The following PLAGL2 variants were observed in gnomAD, a reference collection of about 807,000 sequenced individuals.
PLAGL2 encodes PLAG1 like zinc finger 2, also known as zinc finger protein PLAGL2.
A neutral mutation model predicts 29.0 loss-of-function variants in PLAGL2; 7 were observed. The observed-to-expected ratio is 0.24, with a 90% CI of 0.14 to 0.45. PLAGL2 has a LOEUF of 0.45. PLAGL2 is among the 20% of genes least tolerant of loss of function. The probability of loss-of-function intolerance (pLI) is 0.99; values close to 1 mark genes in which losing one functional copy is unlikely to be tolerated. For synonymous variants in PLAGL2, 234 were observed against 266.0 expected (o/e 0.88, Z 1.17); for missense variants, 454 against 648.2 (o/e 0.70, Z 3.25).
At chr20:32,203,986 T>G (rs2047273050) in intron 1 of PLAGL2, among the ~76,000 whole-genome samples, 1 of 152,234 alleles carries the variant, frequency 6.6e-6, no homozygotes, top group Admixed American at 6.5e-5. Context: ...CATATGTGCC[T>G]GCTTCACTAT....
rs537745819 is a variant in PLAGL2, at chr20:32,194,093, C to G, written c.*2359G>C. 1 of 152,422 alleles carries G rather than the reference C, an allele frequency of 6.6e-6. No individual in the cohort carries two copies. The highest frequency in any genetic ancestry group is 2.4e-5 in the African/African-American group (1 of 41,406). 9.4% of individuals were successfully genotyped at this position (152,422 alleles called of 1,614,324 possible). ...GCATCACTTACGGGGAGAGAGAATT[C>G]GAGGGAGGGACAGGAAAGGGCAGGC... On this transcript the variant is annotated 3_prime_UTR_variant, in exon 3 of 3. Coordinates refer to ENST00000246229, the MANE Select transcript of PLAGL2 (RefSeq NM_002657.3).
At position 32,195,618 on chromosome 20, in the gene PLAGL2, G is replaced by A. The variant is rs1342795228; in HGVS notation, c.*834C>T. The A allele has an allele frequency of 6.5e-6, 1 of 152,712 alleles. No homozygotes were observed. The highest frequency in any genetic ancestry group is 2.4e-5 in the African/African-American group (1 of 41,474). The allele number at this position is 152,712 out of a possible 1,614,324, so 9.5% of individuals were successfully genotyped here. Reference sequence around the variant, plus strand: ...GCAGTCATGGAAGATGGCAGAGACTGAAGCAGTCCAAAGTCAGTTTATTTC... The same window carrying A: ...GCAGTCATGGAAGATGGCAGAGACTAAAGCAGTCCAAAGTCAGTTTATTTC... On this transcript the variant is annotated 3_prime_UTR_variant, in exon 3 of 3. Transcript: ENST00000246229.
chr20:32,201,788 C>G (rs1443645968), intron 2 of PLAGL2, 131 bp downstream of exon 2: 2 of 696,382 alleles, frequency 2.9e-6, no homozygotes, highest in Non-Finnish European at 4.8e-6. Flanking sequence ...GTTTGGCATT[C>G]AGGGTATACT....
In PLAGL2 at chr20:32,197,183, C is replaced by A; in HGVS notation, c.760G>T (p.Val254Leu). 1 of 1,614,220 alleles carries A rather than the reference C, an allele frequency of 6.2e-7. No individual in the cohort carries two copies. The highest frequency in any genetic ancestry group is 1.1e-5 in the South Asian group (1 of 91,088). The change falls in exon 3 of 3, where the codon GTG (valine) becomes TTG (leucine). Residue 254 changes from valine to leucine, a missense_variant. Around this residue, in one of 4 missense-constraint regions of PLAGL2, gnomAD observed 247 missense variants for 350.3 expected, o/e 0.71. Coordinates refer to ENST00000246229, the MANE Select transcript of PLAGL2 (RefSeq NM_002657.3). The surrounding 1 kb of genome is among the most constrained non-coding windows in gnomAD (Gnocchi z 6.6). ...QELLKIKTEP[V>L]DMLGLLSCSS... ...CAGCTGAGTAGGCCTAACATGTCCACGGGCTCTGTCTTGATCTTGAGCAGC... is the reference window on the plus strand; with the variant it reads ...CAGCTGAGTAGGCCTAACATGTCCAAGGGCTCTGTCTTGATCTTGAGCAGC...
At chr20:32,203,538 G>C (rs10485498) in intron 1 of PLAGL2, among the ~76,000 whole-genome samples, 9,903 of 152,260 alleles carry the variant, frequency 0.065, 1,140 homozygotes, top group African/African-American at 0.23. Context: ...TTGAAGAGAT[G>C]GTGCCAAAAT....
At position 32,196,643 on chromosome 20, in the gene PLAGL2, T is replaced by C; in HGVS notation, c.1300A>G (p.Thr434Ala). The C allele has an allele frequency of 1.3e-6, 2 of 1,531,258 alleles. No homozygotes were observed. Among genetic ancestry groups the C allele is most frequent in the Middle Eastern group, 3.6e-4 (2 of 5,620 alleles). 94.9% of individuals were successfully genotyped at this position (1,531,258 alleles called of 1,614,324 possible). ...GAGTAGCCCATGACCAGGCCTCCTGTGGCCCCAGGTGGGTTACACGGGGGC... is the reference window on the plus strand; with the variant it reads ...GAGTAGCCCATGACCAGGCCTCCTGCGGCCCCAGGTGGGTTACACGGGGGC... Reference protein sequence around the residue: ...NLPPCNPPGATGGLVMGYSQA... With the variant: ...NLPPCNPPGAAGGLVMGYSQA... Residue 434 changes from threonine (T) to alanine (A), a missense_variant, in exon 3 of 3, where the codon ACA becomes GCA. This residue lies in a region of PLAGL2 where 247 missense variants were observed against 350.3 expected (regional missense o/e 0.71). Coordinates refer to ENST00000246229, the MANE Select transcript of PLAGL2 (RefSeq NM_002657.3).
chr20:32,197,721 G>A lies in PLAGL2; in HGVS notation c.261-39C>T. ...CAGGGGATAGGGGAGAAAGCAGAAA[G>A]AGGGGAGATCACAAGGGATGACTGG... On this transcript the variant is annotated intron_variant, in intron 2 of 2. Coordinates refer to ENST00000246229, the MANE Select transcript of PLAGL2 (RefSeq NM_002657.3). This position sits in a 1 kb window ranked among gnomAD's most constrained non-coding sequence, Gnocchi z 6.6. 6 of 1,573,546 alleles carry A rather than the reference G, an allele frequency of 3.8e-6. No homozygotes were observed. Among genetic ancestry groups the A allele is most frequent in the South Asian group, 3.4e-5 (3 of 88,002 alleles).
Position 32,202,284 on chromosome 20 carries a change from T to A in PLAGL2, c.-106A>T. 8.9e-7 allele frequency: 1 copy of A among 1,127,006 alleles called. No individual in the cohort carries two copies. Among genetic ancestry groups the A allele is most frequent in the South Asian group, 1.5e-5 (1 of 66,548 alleles). The allele number at this position is 1,127,006 out of a possible 1,614,324, so 69.8% of individuals were successfully genotyped here. ...CTCCAACGCAGCTTTCAGAAAACAA[T>A]CTCTTCACCTGAAACATCAGAACAC... On this transcript the variant is annotated 5_prime_UTR_variant, in exon 2 of 3. Coordinates refer to ENST00000246229, the MANE Select transcript of PLAGL2 (RefSeq NM_002657.3).
chr20:32,196,320 T>C lies in PLAGL2; in HGVS notation c.*132A>G. On this transcript the variant is annotated 3_prime_UTR_variant, in exon 3 of 3. Coordinates refer to ENST00000246229, the MANE Select transcript of PLAGL2 (RefSeq NM_002657.3). ...TGAACCCCCAAACCAAGTGCTCCTG[T>C]ATACAGACACTGGAATTTTTTTTTT... 1 of 586,840 alleles carries C rather than the reference T, an allele frequency of 1.7e-6. No homozygotes were observed. The highest frequency in any genetic ancestry group is 2.7e-6 in the Non-Finnish European group (1 of 365,182). 36.4% of individuals were successfully genotyped at this position (586,840 alleles called of 1,614,324 possible). A position where few individuals can be genotyped will look rare whatever the true frequency, so the allele number is the denominator to read the frequency against.
chr20:32,199,438 A>T (rs2047247430), intron 2 of PLAGL2, among the ~76,000 whole-genome samples: 1 of 152,210 alleles, frequency 6.6e-6, no homozygotes, highest in South Asian at 2.1e-4. Flanking sequence ...CTAGCAACTC[A>T]CCTAAGATCA....
chr20:32,205,328 T>C (rs2047280764), intron 1 of PLAGL2, among the ~76,000 whole-genome samples: 1 of 152,134 alleles, frequency 6.6e-6, no homozygotes, highest in African/African-American at 2.4e-5. Context: ...CTTCCCCTTT[T>C]CCCTCACAAC....
rs1449700082 is a variant in PLAGL2 at position 32,197,430 on chromosome 20, C to A, written c.513G>T (p.Leu171=). The part of the protein sequence containing the change: ...CLQTFESTQA[L]LEHLKAHSRR... Reference sequence around the variant, plus strand: ...GTGAGTGGGCCTTCAGGTGCTCTAGCAGGGCCTGGGTACTCTCAAAGGTCT... The same window carrying A: ...GTGAGTGGGCCTTCAGGTGCTCTAGAAGGGCCTGGGTACTCTCAAAGGTCT... Residue 171 remains leucine, a synonymous_variant, in exon 3 of 3, where the codon CTG becomes CTT. Coordinates refer to ENST00000246229, the MANE Select transcript of PLAGL2 (RefSeq NM_002657.3). The surrounding 1 kb of genome is among the most constrained non-coding windows in gnomAD (Gnocchi z 6.6). The A allele has an allele frequency of 1.7e-5, 28 of 1,612,342 alleles. No individual in the cohort carries two copies. The highest frequency in any genetic ancestry group is 2.2e-5 in the Non-Finnish European group (26 of 1,179,940).
Position 32,194,587 on chromosome 20 carries a change from A to T in PLAGL2, c.*1865T>A, listed in dbSNP as rs1474086015. The stretch of plus-strand genomic sequence containing the variant: ...GCTAAATTTTAAGGCTTTTACCTCA[A>T]ACAAGGAGTACTGGCTTAGGCTGAA... On this transcript the variant is annotated 3_prime_UTR_variant, in exon 3 of 3. Coordinates refer to ENST00000246229, the MANE Select transcript of PLAGL2 (RefSeq NM_002657.3). 1 of 152,656 alleles carries T rather than the reference A, an allele frequency of 6.6e-6. No homozygotes were observed. Among genetic ancestry groups the T allele is most frequent in the Non-Finnish European group, 1.5e-5 (1 of 68,050 alleles). 9.5% of individuals were successfully genotyped at this position (152,656 alleles called of 1,614,324 possible).
At chr20:32,198,167 T>C (rs77869587) in intron 2 of PLAGL2, among the ~76,000 whole-genome samples, 1,777 of 152,334 alleles carry the variant, frequency 0.012, 38 homozygotes, top group African/African-American at 0.04. Context: ...TACAAGAAAC[T>C]GATACCAGTG....
intron 2 of PLAGL2, among the ~76,000 whole-genome samples, chr20:32,198,672 T>C (rs1363867076): frequency 6.6e-6 from 1 of 152,154 alleles, no homozygotes; most frequent in East Asian, 1.9e-4. Flanking sequence ...CTAGAACAAA[T>C]TTCCAAGATA....
rs61757724 is a variant in PLAGL2 at position 32,202,085 on chromosome 20, G to C, written c.94C>G (p.Arg32Gly). ...CACTTCACTTGACTCTCCGCCTCCC[G>C]GCCCCGAGGCCTGGGAACTAGTTTC... ...GWKLVPRPRGREAESQVKCQC... is the reference protein window; with the variant it reads ...GWKLVPRPRGGEAESQVKCQC... Residue 32 changes from arginine to glycine, a missense_variant, in exon 2 of 3, where the codon CGG becomes GGG. By Grantham distance (125) the Arg-to-Gly change is moderately radical (BLOSUM62 -2). Transcript: ENST00000246229. 1 of 1,613,978 alleles carries C rather than the reference G, an allele frequency of 6.2e-7. No individual in the cohort carries two copies. Among genetic ancestry groups the C allele is most frequent in the Non-Finnish European group, 8.5e-7 (1 of 1,179,972 alleles).
At chr20:32,203,105 G>A (rs1451976971) in intron 1 of PLAGL2, among the ~76,000 whole-genome samples, 4 of 152,162 alleles carry the variant, frequency 2.6e-5, no homozygotes, top group Non-Finnish European at 5.9e-5. Flanking sequence ...TAGCGAGCTC[G>A]CATTGGAATT....
At position 32,202,279 on chromosome 20, in the gene PLAGL2, A is replaced by T. The variant is rs1348401523; in HGVS notation, c.-101T>A. On this transcript the variant is annotated 5_prime_UTR_variant, in exon 2 of 3. Transcript: ENST00000246229. Reference sequence around the variant, plus strand: ...ACAGCCTCCAACGCAGCTTTCAGAAAACAATCTCTTCACCTGAAACATCAG... The same window carrying T: ...ACAGCCTCCAACGCAGCTTTCAGAATACAATCTCTTCACCTGAAACATCAG... 8.3e-7 allele frequency: 1 copy of T among 1,201,192 alleles called. No homozygotes were observed. Among genetic ancestry groups the T allele is most frequent in the East Asian group, 2.4e-5 (1 of 41,958 alleles). 74.4% of individuals were successfully genotyped at this position (1,201,192 alleles called of 1,614,324 possible).
At position 32,196,793 on chromosome 20, in the gene PLAGL2, G is replaced by A; in HGVS notation, c.1150C>T (p.Pro384Ser). The change falls in exon 3 of 3, where the codon CCG becomes TCG. Residue 384 changes from proline to serine, a missense_variant. Pro to Ser is a moderately conservative substitution (Grantham distance 74). This residue lies in a region of PLAGL2 where 247 missense variants were observed against 350.3 expected (regional missense o/e 0.71). Transcript: ENST00000246229. ...SAEPQPASPQ[P>S]AAAAALLDEA... The stretch of plus-strand genomic sequence containing the variant: ...TCTAGGAGGGCCGCAGCTGCCGCCG[G>A]CTGAGGTGAGGCGGGCTGGGGTTCA... The A allele has an allele frequency of 6.2e-7, 1 of 1,611,748 alleles. No individual in the cohort carries two copies.
Sources: allele counts gnomAD v4.1 joint callset (sites outside exome capture counted in the v4.1 genomes callset), GRCh38; gene constraint gnomAD v4.1.1; regional missense constraint gnomAD v4.1.1; non-coding constraint Gnocchi (gnomAD v3.1); transcripts MANE v1.5; gene names NCBI Gene and HGNC (gene_info 2026-07-23, HGNC 2026-07-21).